Variants in CACNA1A observed in about 807,000 individuals in gnomAD.
CACNA1A encodes the protein calcium voltage-gated channel subunit alpha1 A, also known as voltage-dependent P/Q-type calcium channel subunit alpha-1A.
CACNA1A carries 57 observed loss-of-function variants against 262.4 expected under a neutral mutation model. The ratio of observed to expected loss-of-function variants is 0.22; its 90% CI spans 0.18 to 0.27. The LOEUF (loss-of-function observed/expected upper bound fraction) is 0.27, where lower values mean the gene tolerates loss of function less well. Ranked by LOEUF, CACNA1A falls within the 10% of genes least tolerant of loss-of-function variation. The pLI, the probability that CACNA1A is intolerant of heterozygous loss-of-function variation, is 1.00. For missense variants in CACNA1A, 2,526 were observed against 3,562.8 expected (o/e 0.71, Z 7.41); for synonymous variants, 1,431 against 1,419.3 (o/e 1.01, Z -0.18).
chr19:13,301,356 C>A (rs1234372868), intron 17 of CACNA1A, among the ~76,000 whole-genome samples: 2 of 152,222 alleles, frequency 1.3e-5, no homozygotes, highest in Admixed American at 1.3e-4. Flanking sequence ...TCAAAAAACA[C>A]CAACTACCCT....
At chr19:13,454,343 T>A (rs998891750) in intron 2 of CACNA1A, among the ~76,000 whole-genome samples, 3 of 151,634 alleles carry the variant, frequency 2.0e-5, no homozygotes, top group East Asian at 2.0e-4. Flanking sequence ...TTCATCTGTA[T>A]CCTTTGTAAT....
At chr19:13,314,139 T>C (rs1192966495) in intron 11 of CACNA1A, among the ~76,000 whole-genome samples, 1 of 152,132 alleles carries the variant, frequency 6.6e-6, no homozygotes, top group Non-Finnish European at 1.5e-5. Flanking sequence ...AGGGCTTTCT[T>C]GGTAGGGTAG....
chr19:13,401,230 T>G (rs1466531400), intron 3 of CACNA1A, among the ~76,000 whole-genome samples: 2 of 152,164 alleles, frequency 1.3e-5, no homozygotes, highest in Non-Finnish European at 2.9e-5. Context: ...TACAATGAAT[T>G]TATACTAAGC....
At chr19:13,393,684 TCC>T (rs2059754619) in intron 3 of CACNA1A, among the ~76,000 whole-genome samples, 1 of 143,684 alleles carries the variant, frequency 7.0e-6, no homozygotes, top group East Asian at 2.2e-4. Flanking sequence ...TCTCTTTCTT[TCC>T]TTTTCTTTCT....
At chr19:13,371,428 A>T (rs1054375716) in intron 4 of CACNA1A, 1 of 462,008 alleles carries the variant, frequency 2.2e-6, no homozygotes, top group Admixed American at 3.4e-5. Flanking sequence ...ACTGAATGAG[A>T]TCACACGTGG....
chr19:13,235,303 G>A (rs780564150), intron 32 of CACNA1A, 29 bp from the exon 33 acceptor site: 74 of 1,556,014 alleles, frequency 4.8e-5, no homozygotes, highest in Middle Eastern at 3.3e-4. Context: ...ATGAAGAAGA[G>A]TGCTGGGGGT....
At chr19:13,305,338 C>A (rs2057878115) in intron 15 of CACNA1A, among the ~76,000 whole-genome samples, 2 of 152,062 alleles carry the variant, frequency 1.3e-5, no homozygotes, top group Non-Finnish European at 2.9e-5. Flanking sequence ...AGAGAAAGAC[C>A]AAGGCAAAGG....
At chr19:13,433,472 A>AAAAAAAAAAAAAAAAAAAAAAAAAC (rs2060556565) in intron 3 of CACNA1A, among the ~76,000 whole-genome samples, 1 of 148,740 alleles carries the variant, frequency 6.7e-6, no homozygotes, top group Non-Finnish European at 1.5e-5. Flanking sequence ...AAAAAAAAAA[A>AAAAAAAAAAAAAAAAAAAAAAAAAC]AAAAAAAAAA....
intron 5 of CACNA1A, chr19:13,362,127 C>G (rs1156343623): frequency 3.3e-5 from 5 of 151,746 alleles, no homozygotes; most frequent in African/African-American, 1.2e-4. Flanking sequence ...TTCCTGGGCT[C>G]AAGTGATCCT....
At chr19:13,289,644 A>G (rs952227712) in intron 19 of CACNA1A, among the ~76,000 whole-genome samples, 1 of 152,108 alleles carries the variant, frequency 6.6e-6, no homozygotes, top group Non-Finnish European at 1.5e-5. Context: ...GACCCATAAC[A>G]TGCGGGCCGT....
intron 3 of CACNA1A, among the ~76,000 whole-genome samples, chr19:13,448,082 GA>G (rs36078876): frequency 0.16 from 19,787 of 122,070 alleles, 1,631 homozygotes; most frequent in East Asian, 0.37. Context: ...GTGTTATTAT[GA>G]AAAAAAAAAA....
At chr19:13,309,355 C>T (rs768257877) in intron 12 of CACNA1A, among the ~76,000 whole-genome samples, 85 of 151,940 alleles carry the variant, frequency 5.6e-4, no homozygotes, top group Non-Finnish European at 1.1e-3. Flanking sequence ...ATTCCTGAAA[C>T]ACATAATTAC....
At position 13,431,950 on chromosome 19, in the gene CACNA1A, CA is replaced by C. The variant is rs377654419; in HGVS notation, c.539+20925del. On this transcript the variant is annotated intron_variant, in intron 3 of 46. Transcript: ENST00000360228. Reference sequence around the variant, plus strand: ...TGAAACCCTGTCCCTACTAAAAATACAAAAATTAGCTGGGCGTGGTGGTGCA... The same window carrying C: ...TGAAACCCTGTCCCTACTAAAAATACAAAATTAGCTGGGCGTGGTGGTGCA... Among the ~76,000 whole-genome samples, 280 of 151,716 alleles carry C rather than the reference CA, an allele frequency of 1.8e-3. 1 individual carries two copies. Among genetic ancestry groups the C allele is most frequent in the African/African-American group, 6.5e-3 (271 of 41,384 alleles).
rs200200460 is a variant in CACNA1A at position 13,231,887 on chromosome 19, C to T, written c.5250-27G>A. ...TGAGGACAGGGAGAAATCAGAGACTCGGACACCCAGCCCTGACTGGGTACC... is the reference window on the plus strand; with the variant it reads ...TGAGGACAGGGAGAAATCAGAGACTTGGACACCCAGCCCTGACTGGGTACC... On this transcript the variant is annotated intron_variant, in intron 34 of 46. Coordinates refer to ENST00000360228, the MANE Select transcript of CACNA1A (RefSeq NM_001127222.2). The T allele has an allele frequency of 2.9e-4, 470 of 1,603,158 alleles. 5 individuals carry two copies. The South Asian group carries it at 4.2e-3, about 14-fold the overall frequency.
At chr19:13,357,728 G>C (rs1227289662) in intron 6 of CACNA1A, among the ~76,000 whole-genome samples, 3 of 152,208 alleles carry the variant, frequency 2.0e-5, no homozygotes, top group Non-Finnish European at 4.4e-5. Flanking sequence ...TTTAGGCTGG[G>C]TGCAGTGGCT....
Position 13,506,357 on chromosome 19 carries a change from CG to C in CACNA1A, c.-134del. On this transcript the variant is annotated 5_prime_UTR_variant, in exon 1 of 47. It introduces an in-frame stop codon into an upstream open reading frame of the 5' UTR. Transcript: ENST00000360228. The stretch of plus-strand genomic sequence containing the variant: ...GCGGCTGGAGCTACGACTGCGGAGA[CG>C]CTCCACGGCCCAGCCCATCGGGCGG... 1.3e-6 allele frequency: 1 copy of C among 774,064 alleles called. No homozygotes were observed. The highest frequency in any genetic ancestry group is 4.2e-5 in the Admixed American group (1 of 23,800). 47.9% of individuals were successfully genotyped at this position (774,064 alleles called of 1,614,324 possible).
Position 13,506,276 on chromosome 19 carries a change from ACGCCGC to A in CACNA1A, c.-58_-53del, listed in dbSNP as rs16000. 68 of 1,354,488 alleles carry A rather than the reference ACGCCGC, an allele frequency of 5.0e-5. No individual in the cohort carries two copies. The highest frequency in any genetic ancestry group is 1.8e-4 in the Admixed American group (5 of 27,900). 83.9% of individuals were successfully genotyped at this position (1,354,488 alleles called of 1,614,324 possible). The stretch of plus-strand genomic sequence containing the variant: ...TACGCTGCGGCGAACGATGCGGAAG[ACGCCGC>A]CGCCGCCGCCGCCGCCGCTGATGCT... On this transcript the variant is annotated 5_prime_UTR_variant, in exon 1 of 47. Coordinates refer to ENST00000360228, the MANE Select transcript of CACNA1A (RefSeq NM_001127222.2).
At chr19:13,229,448 C>T (rs1448208404) in intron 36 of CACNA1A, among the ~76,000 whole-genome samples, 1 of 152,184 alleles carries the variant, frequency 6.6e-6, no homozygotes, top group Non-Finnish European at 1.5e-5. Flanking sequence ...ACTCAATACA[C>T]GTGCACAAGG....
At chr19:13,330,959 G>A (rs1373102673) in intron 9 of CACNA1A, among the ~76,000 whole-genome samples, 3 of 152,076 alleles carry the variant, frequency 2.0e-5, no homozygotes, top group Non-Finnish European at 2.9e-5. Flanking sequence ...TAGCATACTC[G>A]CTAGGCAGGC....
Sources: allele counts gnomAD v4.1 joint callset (sites outside exome capture counted in the v4.1 genomes callset), GRCh38; gene constraint gnomAD v4.1.1; transcripts MANE v1.5; gene names NCBI Gene and HGNC (gene_info 2026-07-23, HGNC 2026-07-21).